Variants in IGF1R observed in about 807,000 individuals in gnomAD.
IGF1R encodes the protein insulin-like growth factor 1 receptor.
Under a neutral mutation model 144.6 loss-of-function variants are expected in IGF1R, and 44 were observed. The observed-to-expected ratio is 0.30, with a 90% CI of 0.24 to 0.39. IGF1R has a LOEUF of 0.39. Among genes scored for constraint, IGF1R ranks in the 10% least tolerant of loss-of-function variants. The probability of loss-of-function intolerance (pLI) is 1.00; values close to 1 mark genes in which losing one functional copy is unlikely to be tolerated. For missense variants in IGF1R, 1,355 were observed against 1,833.7 expected (o/e 0.74, Z 4.77); for synonymous variants, 795 against 722.8 (o/e 1.10, Z -1.60).
At chr15:98,906,073 T>A (rs1191486786) in intron 5 of IGF1R, among the ~76,000 whole-genome samples, 1 of 152,252 alleles carries the variant, frequency 6.6e-6, no homozygotes, top group Non-Finnish European at 1.5e-5. Context: ...TCAATGATTG[T>A]AAAAAATGTT....
intron 2 of IGF1R, among the ~76,000 whole-genome samples, chr15:98,816,269 A>T (rs1421297828): frequency 6.6e-6 from 1 of 152,182 alleles, no homozygotes; most frequent in Non-Finnish European, 1.5e-5. Flanking sequence ...TAACTACAAG[A>T]TCTGCCCAGT....
chr15:98,662,190 A>G (rs2052617630), intron 1 of IGF1R, among the ~76,000 whole-genome samples: 1 of 151,578 alleles, frequency 6.6e-6, no homozygotes, highest in Non-Finnish European at 1.5e-5. Flanking sequence ...CATGTTGGTC[A>G]GGCTGGTCTC....
chr15:98,650,777 T>A (rs2052341899), intron 1 of IGF1R: 1 of 502,120 alleles, frequency 2.0e-6, no homozygotes, highest in South Asian at 8.4e-5. Flanking sequence ...CGTGTCGCCC[T>A]CTCTTCTGCC....
chr15:98,913,731 T>C (rs2015122404), intron 8 of IGF1R, among the ~76,000 whole-genome samples: 1 of 152,230 alleles, frequency 6.6e-6, no homozygotes, highest in Non-Finnish European at 1.5e-5. Context: ...GTTGAAAGCC[T>C]GCAGATGTAG....
At chr15:98,808,622 C>T (rs2056516742) in intron 2 of IGF1R, among the ~76,000 whole-genome samples, 2 of 151,492 alleles carry the variant, frequency 1.3e-5, no homozygotes, top group Admixed American at 6.6e-5. Flanking sequence ...TGCCTATAGT[C>T]GTGTGGAACC....
intron 10 of IGF1R, among the ~76,000 whole-genome samples, chr15:98,921,004 C>T (rs1004899464): frequency 2.1e-4 from 32 of 152,332 alleles, no homozygotes; most frequent in South Asian, 2.1e-4. Context: ...TCTGCTGCTG[C>T]TGCCGCGCTC....
chr15:98,651,246 G>C (rs992037594), intron 1 of IGF1R, among the ~76,000 whole-genome samples: 42 of 152,196 alleles, frequency 2.8e-4, no homozygotes, highest in African/African-American at 1.0e-3. Context: ...ATCCTTAAAC[G>C]TCTGGTAAGA....
At chr15:98,655,652 AAAAT>A (rs2052468130) in intron 1 of IGF1R, among the ~76,000 whole-genome samples, 3 of 152,132 alleles carry the variant, frequency 2.0e-5, no homozygotes, top group African/African-American at 4.8e-5. Flanking sequence ...ATTAAAAAAA[AAAAT>A]AAAACGAAAC....
At chr15:98,933,939 C>T (rs1366585110) in intron 15 of IGF1R, among the ~76,000 whole-genome samples, 1 of 152,168 alleles carries the variant, frequency 6.6e-6, no homozygotes. Flanking sequence ...ACCAATAATG[C>T]AGTTCAGCTT....
chr15:98,789,014 C>T (rs1006591794), intron 2 of IGF1R, among the ~76,000 whole-genome samples: 14 of 151,976 alleles, frequency 9.2e-5, no homozygotes, highest in African/African-American at 1.2e-4. Flanking sequence ...CAGTGGCTTG[C>T]GTGTGTGTAT....
intron 2 of IGF1R, among the ~76,000 whole-genome samples, chr15:98,835,080 TACACAC>T (rs34443123): frequency 6.2e-4 from 81 of 130,472 alleles, no homozygotes; most frequent in South Asian, 1.2e-3. Context: ...ACACCCCCCC[TACACAC>T]ACACACACAC....
intron 2 of IGF1R, among the ~76,000 whole-genome samples, chr15:98,729,902 C>T (rs568126678): frequency 1.3e-5 from 2 of 152,320 alleles, no homozygotes; most frequent in South Asian, 4.1e-4. Context: ...TTGGAAAGCA[C>T]AGTTCTCACT....
chr15:98,696,661 A>G (rs1466479313), intron 1 of IGF1R, among the ~76,000 whole-genome samples: 1 of 152,188 alleles, frequency 6.6e-6, no homozygotes, highest in Non-Finnish European at 1.5e-5. Flanking sequence ...TAGAGTGCAG[A>G]TAAGAGAATG....
intron 2 of IGF1R, among the ~76,000 whole-genome samples, chr15:98,817,045 G>T (rs1024384336): frequency 1.3e-5 from 2 of 152,218 alleles, no homozygotes; most frequent in Admixed American, 1.3e-4. Flanking sequence ...GCTCACACCT[G>T]TAATCCCAGC....
rs2017058099 is a variant in IGF1R, at chr15:98,957,608, T to C, written c.*166T>C. The C allele has an allele frequency of 5.1e-6, 4 of 777,940 alleles. No homozygotes were observed. Among genetic ancestry groups the C allele is most frequent in the Admixed American group, 5.0e-5 (2 of 40,276 alleles). The allele number at this position is 777,940 out of a possible 1,614,324, so 48.2% of individuals were successfully genotyped here. On this transcript the variant is annotated 3_prime_UTR_variant, in exon 21 of 21. Coordinates refer to ENST00000650285, the MANE Select transcript of IGF1R (RefSeq NM_000875.5). ...GACAGCTTCTCTGCAGTAAAACACA[T>C]TTGGGATGTTCCTTTTTTCAATATG...
chr15:98,772,825 G>A (rs1458290463), intron 2 of IGF1R, among the ~76,000 whole-genome samples: 1 of 151,748 alleles, frequency 6.6e-6, no homozygotes, highest in African/African-American at 2.4e-5. Flanking sequence ...GACAAATAAA[G>A]ATGATATTAC....
intron 2 of IGF1R, among the ~76,000 whole-genome samples, chr15:98,832,619 T>G (rs1233989555): frequency 1.3e-5 from 2 of 151,806 alleles, no homozygotes; most frequent in African/African-American, 2.4e-5. Context: ...TTGCCTTTCT[T>G]GAGTGCATGG....
At chr15:98,919,755 T>G (rs920192590) in intron 10 of IGF1R, among the ~76,000 whole-genome samples, 8 of 152,204 alleles carry the variant, frequency 5.3e-5, no homozygotes, top group African/African-American at 1.9e-4. Context: ...AAGTTAATAT[T>G]TGTTTTTTTG....
At chr15:98,653,723 C>T (rs1166813843) in intron 1 of IGF1R, among the ~76,000 whole-genome samples, 2 of 152,180 alleles carry the variant, frequency 1.3e-5, no homozygotes, top group Non-Finnish European at 2.9e-5. Flanking sequence ...TTGTTGTTTA[C>T]ATTTGCTTTT....
Sources: allele counts gnomAD v4.1 joint callset (sites outside exome capture counted in the v4.1 genomes callset), GRCh38; gene constraint gnomAD v4.1.1; transcripts MANE v1.5; gene names NCBI Gene and HGNC (gene_info 2026-07-23, HGNC 2026-07-21).